The following ASPSCR1 variants were observed in gnomAD, a reference collection of about 807,000 sequenced individuals.
ASPSCR1 encodes the protein ASPSCR1 tether for SLC2A4, UBX domain containing.
A neutral mutation model predicts 68.9 loss-of-function variants in ASPSCR1; 55 were observed. The ratio of observed to expected loss-of-function variants is 0.80; its 90% CI spans 0.64 to 1.00. The LOEUF is 1.00. ASPSCR1 is among the 50% of genes least tolerant of loss of function. ASPSCR1 has a pLI of 0.00. For synonymous variants in ASPSCR1, 352 were observed against 332.6 expected (o/e 1.06, Z -0.63); for missense variants, 765 against 762.2 (o/e 1.00, Z -0.04).
At chr17:82,000,566 G>GGTACACTTCA (rs1454288777) in intron 7 of ASPSCR1, among the ~76,000 whole-genome samples, 1 of 152,208 alleles carries the variant, frequency 6.6e-6, no homozygotes, top group Non-Finnish European at 1.5e-5. Flanking sequence ...GAACTTCAAA[G>GGTACACTTCA]GTACACTTTA....
rs1295332508 is a variant in ASPSCR1, at chr17:82,012,346, C to G, written c.1353+63C>G. ...CCCTCCAGGGAGGGCAGGACGAGAG[C>G]GTGAGGCCTCGGGCAGGAAGGAGGG... On this transcript the variant is annotated intron_variant, in intron 12 of 15. Transcript: ENST00000306739. The G allele has an allele frequency of 2.6e-6, 4 of 1,541,866 alleles. No homozygotes were observed. The South Asian group carries it at 4.5e-5, about 17-fold the overall frequency.
At chr17:81,996,888 C>G in intron 7 of ASPSCR1, 42 bp downstream of exon 7, 1 of 1,536,492 alleles carries the variant, frequency 6.5e-7, no homozygotes, top group Non-Finnish European at 8.7e-7. Flanking sequence ...GGTGTCCTTT[C>G]TCCTGATGTG....
rs373895104 is a variant in ASPSCR1 at position 81,983,927 on chromosome 17, G to A, written c.273+259G>A. Among the ~76,000 whole-genome samples, 171 of 151,218 alleles carry A rather than the reference G, an allele frequency of 1.1e-3. 1 individual carries two copies. The highest frequency in any genetic ancestry group is 3.4e-3 in the African/African-American group (141 of 41,128). On this transcript the variant is annotated intron_variant, in intron 3 of 15. Coordinates refer to ENST00000306739, the MANE Select transcript of ASPSCR1 (RefSeq NM_024083.4). The surrounding 1 kb of genome is among the most constrained non-coding windows in gnomAD (Gnocchi z 4.4). ...GGCTGGAGCTCAGTGGCGCAGTCTC[G>A]GCTCACTTCAAGCTCCGCCTCCCGG...
chr17:81,982,240 A>C (rs1467539327), intron 2 of ASPSCR1, among the ~76,000 whole-genome samples: 1 of 152,260 alleles, frequency 6.6e-6, no homozygotes, highest in Admixed American at 6.5e-5. Flanking sequence ...AATTGCTGGG[A>C]TTACAGGCAT....
At chr17:82,008,685 T>G in intron 7 of ASPSCR1, 1 of 221,986 alleles carries the variant, frequency 4.5e-6, no homozygotes, top group Non-Finnish European at 8.8e-6. Flanking sequence ...GACGCTCTAA[T>G]TTGGCGGCTG....
At chr17:81,995,417 A>G in intron 5 of ASPSCR1, 1 of 212,354 alleles carries the variant, frequency 4.7e-6, no homozygotes, top group Non-Finnish European at 9.4e-6. Flanking sequence ...GGGATGAGCC[A>G]CGGGGCTCAG....
At chr17:81,989,706 T>G (rs553841226) in intron 4 of ASPSCR1, among the ~76,000 whole-genome samples, 15 of 152,218 alleles carry the variant, frequency 9.9e-5, no homozygotes, top group Non-Finnish European at 2.1e-4. Context: ...GCAGCTCCAC[T>G]GCGAGGGTGT....
Position 81,979,200 on chromosome 17 carries a change from G to T in ASPSCR1, c.119G>T (p.Cys40Phe), listed in dbSNP as rs762611965. The T allele has an allele frequency of 1.2e-6, 2 of 1,614,088 alleles. No homozygotes were observed. Residue 40 changes from cysteine to phenylalanine, a missense_variant, in exon 2 of 16, where the codon TGC (cysteine) becomes TTC (phenylalanine). Cys to Phe is a radical substitution (Grantham distance 205). Coordinates refer to ENST00000306739, the MANE Select transcript of ASPSCR1 (RefSeq NM_024083.4). ...CACCCCCAGGTTCTGGAGGACACGT[G>T]CCGGCGGCAGGACTTCAACCCCTGT... Reference protein sequence around the residue: ...TVLLQVLEDTCRRQDFNPCEY... With the variant: ...TVLLQVLEDTFRRQDFNPCEY...
At chr17:81,996,123 C>G in intron 6 of ASPSCR1, 58 bp downstream of exon 6, 1 of 1,506,626 alleles carries the variant, frequency 6.6e-7, no homozygotes, top group Non-Finnish European at 8.9e-7. Context: ...AAAGTGGTCT[C>G]AAAGGAAAGG....
At chr17:82,001,485 G>A (rs2042529366) in intron 7 of ASPSCR1, among the ~76,000 whole-genome samples, 1 of 152,194 alleles carries the variant, frequency 6.6e-6, no homozygotes, top group South Asian at 2.1e-4. Flanking sequence ...ACCAAGCGTG[G>A]CTGGCAGATG....
chr17:81,985,136 ACGCACATCTGCACGCACATG>A (rs1567957443), intron 3 of ASPSCR1, among the ~76,000 whole-genome samples: 1 of 139,910 alleles, frequency 7.1e-6, no homozygotes, highest in Non-Finnish European at 1.5e-5. Flanking sequence ...ATGCACACAC[ACGCACATCTGCACGCACATG>A]CGCACACCTG....
At chr17:81,985,439 A>C (rs1320063839) in intron 3 of ASPSCR1, 68 bp from the exon 4 acceptor site, 1 of 1,513,392 alleles carries the variant, frequency 6.6e-7, no homozygotes, top group Non-Finnish European at 9.1e-7. Flanking sequence ...CTGGAGAATC[A>C]GTCTGGGATT....
At position 81,994,885 on chromosome 17, in the gene ASPSCR1, G is replaced by T. The variant is rs377403408; in HGVS notation, c.432+7G>T. 2 of 1,609,162 alleles carry T rather than the reference G, an allele frequency of 1.2e-6. No homozygotes were observed. Among genetic ancestry groups the T allele is most frequent in the Admixed American group, 3.4e-5 (2 of 59,684 alleles). On this transcript the variant is annotated splice_region_variant and intron_variant, in intron 5 of 15. Transcript: ENST00000306739. ...CGTGTACACGAGGGATGAGGTAGGCGGCCTGCTCTTGCTCACCCAGTCCCC... is the reference window on the plus strand; with the variant it reads ...CGTGTACACGAGGGATGAGGTAGGCTGCCTGCTCTTGCTCACCCAGTCCCC...
chr17:82,016,348 A>T, intron 12 of ASPSCR1, 128 bp from the exon 13 acceptor site: 2 of 835,898 alleles, frequency 2.4e-6, no homozygotes, highest in South Asian at 1.7e-5. Context: ...CGATGGGCTC[A>T]TGGGGGCCGG....
chr17:81,995,569 C>T lies in ASPSCR1; in HGVS notation c.433-423C>T, dbSNP rs145991424. The T allele has an allele frequency of 7.6e-5, 27 of 354,454 alleles. No individual in the cohort carries two copies. In the East Asian group the frequency reaches 1.7e-3, roughly 23 times the overall value. 22.0% of individuals were successfully genotyped at this position (354,454 alleles called of 1,614,324 possible). A position where few individuals can be genotyped will look rare whatever the true frequency, so the allele number is the denominator to read the frequency against. ...CACAGGTCAGAGTTAGCGTATGGGA[C>T]GTGGCCAGCCAGGCCCGATCCCTGC... On this transcript the variant is annotated intron_variant, in intron 5 of 15. Coordinates refer to ENST00000306739, the MANE Select transcript of ASPSCR1 (RefSeq NM_024083.4).
intron 4 of ASPSCR1, among the ~76,000 whole-genome samples, chr17:81,988,914 A>C (rs1440883162): frequency 6.6e-6 from 1 of 152,112 alleles, no homozygotes; most frequent in East Asian, 1.9e-4. Context: ...GCTTCTTCAC[A>C]TTTCATTTCC....
chr17:82,012,121 T>C (rs2042968559), intron 11 of ASPSCR1, 110 bp from the exon 12 acceptor site: 5 of 1,291,138 alleles, frequency 3.9e-6, no homozygotes, highest in Non-Finnish European at 5.6e-6. Context: ...TGAGGGGCTC[T>C]TCTGCCCCAC....
chr17:81,991,039 C>G (rs1329486489), intron 4 of ASPSCR1, among the ~76,000 whole-genome samples: 1 of 152,090 alleles, frequency 6.6e-6, no homozygotes, highest in East Asian at 1.9e-4. Flanking sequence ...GAACCGGGGA[C>G]TGTTGTGGGT....
intron 10 of ASPSCR1, 73 bp from the exon 11 acceptor site, chr17:82,011,470 G>C: frequency 7.1e-7 from 1 of 1,399,032 alleles, no homozygotes; most frequent in Non-Finnish European, 9.8e-7. Context: ...TGGGAGCAGT[G>C]GCCCAGGTGC....
Sources: gnomAD v4.1 joint callset for allele counts (sites outside exome capture counted in the v4.1 genomes callset) on GRCh38, gnomAD v4.1.1 for gene constraint, Gnocchi (gnomAD v3.1) non-coding constraint, MANE v1.5 for transcripts, NCBI Gene and HGNC (gene_info 2026-07-23, HGNC 2026-07-21) for gene names.